Variants in NETO1 observed in about 807,000 individuals in gnomAD.
NETO1 encodes the protein neuropilin and tolloid like 1.
A neutral mutation model predicts 61.3 loss-of-function variants in NETO1; 26 were observed. That is an observed-to-expected ratio of 0.42 (90% CI 0.31 to 0.59). NETO1 has a LOEUF of 0.59. Ranked by LOEUF, NETO1 falls within the 20% of genes least tolerant of loss-of-function variation. The pLI is 0.12. For synonymous variants in NETO1, 225 were observed against 225.8 expected (o/e 1.00, Z 0.03); for missense variants, 531 against 662.8 (o/e 0.80, Z 2.18).
intron 7 of NETO1, among the ~76,000 whole-genome samples, chr18:72,757,612 A>T (rs2070825949): frequency 6.6e-6 from 1 of 152,150 alleles, no homozygotes. Flanking sequence ...GAAAATATGT[A>T]GTAGTCATTT....
At chr18:72,798,913 C>A (rs1345034452) in intron 4 of NETO1, among the ~76,000 whole-genome samples, 2 of 152,166 alleles carry the variant, frequency 1.3e-5, no homozygotes, top group African/African-American at 4.8e-5. Context: ...CCAAGGAAGT[C>A]ATGAAACCAA....
intron 4 of NETO1, among the ~76,000 whole-genome samples, chr18:72,850,052 A>T (rs566406882): frequency 6.6e-6 from 1 of 152,364 alleles, no homozygotes; most frequent in South Asian, 2.1e-4. Flanking sequence ...GCTTATTAGC[A>T]TTATTAATAC....
chr18:72,811,172 A>T (rs116001559), intron 4 of NETO1, among the ~76,000 whole-genome samples: 2,422 of 152,110 alleles, frequency 0.016, 72 homozygotes, highest in African/African-American at 0.054. Context: ...TCCATCCTAC[A>T]GTCTTTGGCA....
At chr18:72,851,399 G>A (rs531596596) in intron 4 of NETO1, among the ~76,000 whole-genome samples, 27 of 142,982 alleles carry the variant, frequency 1.9e-4, no homozygotes, top group Non-Finnish European at 2.9e-4. Flanking sequence ...CAACAAGAGC[G>A]AAACTCCCTC....
intron 4 of NETO1, among the ~76,000 whole-genome samples, chr18:72,849,146 C>T (rs1177673825): frequency 6.6e-6 from 1 of 152,172 alleles, no homozygotes; most frequent in Non-Finnish European, 1.5e-5. Context: ...CTAAGGCATG[C>T]TTTTCCAATC....
At chr18:72,841,815 T>G (rs1454678548) in intron 4 of NETO1, among the ~76,000 whole-genome samples, 1 of 151,330 alleles carries the variant, frequency 6.6e-6, no homozygotes, top group Non-Finnish European at 1.5e-5. Flanking sequence ...AGGTCCATCT[T>G]GCTTTCCAAA....
intron 4 of NETO1, chr18:72,835,390 C>A: frequency 2.3e-6 from 3 of 1,315,532 alleles, no homozygotes; most frequent in South Asian, 1.4e-5. Context: ...TGTAGGAAGT[C>A]CACTTTAACA....
At chr18:72,803,583 A>T (rs1188807863) in intron 4 of NETO1, among the ~76,000 whole-genome samples, 2 of 152,134 alleles carry the variant, frequency 1.3e-5, no homozygotes, top group Non-Finnish European at 2.9e-5. Context: ...GCACTCTGGG[A>T]GGCCGAGGCA....
intron 4 of NETO1, among the ~76,000 whole-genome samples, chr18:72,854,023 T>C (rs1322306021): frequency 6.6e-6 from 1 of 152,178 alleles, no homozygotes; most frequent in Non-Finnish European, 1.5e-5. Context: ...ATTGAATCCA[T>C]GACAATATTT....
chr18:72,805,660 C>G (rs536512732), intron 4 of NETO1, among the ~76,000 whole-genome samples: 2 of 152,094 alleles, frequency 1.3e-5, no homozygotes, highest in Non-Finnish European at 2.9e-5. Flanking sequence ...ATTAGGCAGT[C>G]GACCTCCAGA....
intron 4 of NETO1, among the ~76,000 whole-genome samples, chr18:72,820,564 T>C (rs557502025): frequency 6.6e-6 from 1 of 152,366 alleles, no homozygotes; most frequent in Admixed American, 6.5e-5. Context: ...AGGTATCACC[T>C]TGACTGGGCC....
intron 9 of NETO1, among the ~76,000 whole-genome samples, chr18:72,749,480 AC>A (rs2070520130): frequency 6.6e-6 from 1 of 152,178 alleles, no homozygotes; most frequent in South Asian, 2.1e-4. Context: ...ACTATTTCTT[AC>A]AACATTTAAG....
chr18:72,777,447 A>C (rs1481842004), intron 7 of NETO1, among the ~76,000 whole-genome samples: 1 of 145,212 alleles, frequency 6.9e-6, no homozygotes, highest in African/African-American at 2.6e-5. Context: ...AACAACAAAA[A>C]AAAAACAAAA....
chr18:72,803,874 C>G (rs1449764762), intron 4 of NETO1, among the ~76,000 whole-genome samples: 1 of 151,804 alleles, frequency 6.6e-6, no homozygotes, highest in Non-Finnish European at 1.5e-5. Context: ...ATATATATCT[C>G]TGTTAGACTG....
At chr18:72,810,785 T>A (rs1321230244) in intron 4 of NETO1, among the ~76,000 whole-genome samples, 1 of 152,130 alleles carries the variant, frequency 6.6e-6, no homozygotes, top group African/African-American at 2.4e-5. Context: ...AGAAAAATAA[T>A]CCGAGGCTTT....
In NETO1 at chr18:72,859,021, G is replaced by T. The variant is rs1440763824; in HGVS notation, c.274C>A (p.Pro92Thr). 3.7e-6 allele frequency: 6 copies of T among 1,613,418 alleles called. No individual in the cohort carries two copies. The highest frequency in any genetic ancestry group is 5.1e-6 in the Non-Finnish European group (6 of 1,179,738). Residue 92 changes from proline to threonine, a missense_variant, in exon 4 of 11, where the codon CCG (proline) becomes ACG (threonine). Coordinates refer to ENST00000327305, the MANE Select transcript of NETO1 (RefSeq NM_138966.5). ...TGATCAAATTTGCACTCCCAAGACG[G>T]TTCAATAGAGTACTTTTCATCAAAG... ...LYFDEKYSIE[P>T]SWECKFDHIE...
intron 7 of NETO1, among the ~76,000 whole-genome samples, chr18:72,772,272 A>G (rs951141475): frequency 5.9e-5 from 9 of 152,230 alleles, no homozygotes; most frequent in Middle Eastern, 3.4e-3. Flanking sequence ...GCTGGCTCAG[A>G]CCCACTAGGA....
At chr18:72,779,259 A>G (rs2071659170) in intron 7 of NETO1, among the ~76,000 whole-genome samples, 1 of 151,488 alleles carries the variant, frequency 6.6e-6, no homozygotes, top group African/African-American at 2.4e-5. Context: ...GTATAATTAT[A>G]TATTAGACAT....
intron 4 of NETO1, chr18:72,834,547 C>A (rs1268608287): frequency 2.1e-6 from 2 of 973,282 alleles, no homozygotes; most frequent in Non-Finnish European, 1.2e-6. Context: ...AATATAAAAG[C>A]AATGAAAATC....
Sources: allele counts gnomAD v4.1 joint callset (sites outside exome capture counted in the v4.1 genomes callset), GRCh38; gene constraint gnomAD v4.1.1; transcripts MANE v1.5; gene names NCBI Gene and HGNC (gene_info 2026-07-23, HGNC 2026-07-21).